The following ALOX5 variants were observed in gnomAD, a reference collection of about 807,000 sequenced individuals.
ALOX5 encodes the protein polyunsaturated fatty acid 5-lipoxygenase.
A neutral mutation model predicts 87.9 loss-of-function variants in ALOX5; 64 were observed. The ratio of observed to expected loss-of-function variants is 0.73; its 90% CI spans 0.60 to 0.90. ALOX5 has a LOEUF of 0.90. Among genes scored for constraint, ALOX5 ranks in the 40% least tolerant of loss-of-function variants. The pLI is 0.00. For synonymous variants in ALOX5, 388 were observed against 355.1 expected (o/e 1.09, Z -1.04); for missense variants, 822 against 907.5 (o/e 0.91, Z 1.21).
At chr10:45,383,092 G>C (rs763739042) in intron 2 of ALOX5, among the ~76,000 whole-genome samples, 19 of 152,238 alleles carry the variant, frequency 1.2e-4, no homozygotes, top group Non-Finnish European at 1.9e-4. Context: ...GTAGGGCTCA[G>C]GCAAGCTCAG....
chr10:45,395,956 C>A lies in ALOX5; in HGVS notation c.431+20C>A. ...ATATCGGTGAGTTATGACATCAGAT[C>A]GAGTGGCCACGGGGCCATGGTTTCT... On this transcript the variant is annotated intron_variant, in intron 3 of 13. Transcript: ENST00000374391. 6.2e-7 allele frequency: 1 copy of A among 1,609,506 alleles called. No individual in the cohort carries two copies. Among genetic ancestry groups the A allele is most frequent in the Non-Finnish European group, 8.5e-7 (1 of 1,175,720 alleles).
In ALOX5 at chr10:45,440,365, G is replaced by A. The variant is rs1435752295; in HGVS notation, c.982-65G>A. 7.8e-6 allele frequency: 12 copies of A among 1,536,982 alleles called. No homozygotes were observed. In the Admixed American group the frequency reaches 2.1e-4, roughly 27 times the overall value. ...CTTCTGGAACTTCCCAAGAGGCGAAGTTCTCCAACAACTATACTCTGAAGT... is the reference window on the plus strand; with the variant it reads ...CTTCTGGAACTTCCCAAGAGGCGAAATTCTCCAACAACTATACTCTGAAGT... On this transcript the variant is annotated intron_variant, in intron 7 of 13. Transcript: ENST00000374391.
chr10:45,381,287 C>G (rs551477143), intron 1 of ALOX5, among the ~76,000 whole-genome samples: 10 of 152,274 alleles, frequency 6.6e-5, no homozygotes, highest in Admixed American at 2.6e-4. Flanking sequence ...TCACTGTTCT[C>G]TGGGCATCAC....
intron 2 of ALOX5, among the ~76,000 whole-genome samples, chr10:45,393,579 A>G (rs912627513): frequency 1.9e-4 from 29 of 152,372 alleles, no homozygotes; most frequent in African/African-American, 7.0e-4. Flanking sequence ...CTCCTATTCA[A>G]CATAGTGTTG....
intron 1 of ALOX5, among the ~76,000 whole-genome samples, chr10:45,375,093 A>C (rs980219761): frequency 6.6e-6 from 1 of 152,216 alleles, no homozygotes; most frequent in Non-Finnish European, 1.5e-5. Flanking sequence ...GCACCTGGGC[A>C]GCTTACATTC....
At chr10:45,420,688 C>T (rs747799208) in intron 4 of ALOX5, among the ~76,000 whole-genome samples, 1 of 152,262 alleles carries the variant, frequency 6.6e-6, no homozygotes, top group Non-Finnish European at 1.5e-5. Flanking sequence ...CACGCAGTTC[C>T]TCCTAGCCAC....
At position 45,420,837 on chromosome 10, in the gene ALOX5, G is replaced by A. The variant is rs11819084; in HGVS notation, c.555-3204G>A. ...GACAGAGGTTAGGTGAACCTCAATG[G>A]CCTCATTAAAGCAAATTGAGAAAGA... On this transcript the variant is annotated intron_variant, in intron 4 of 13. Transcript: ENST00000374391. 9.0e-3 allele frequency among the ~76,000 whole-genome samples: 1,372 copies of A among 152,356 alleles called. 22 individuals carry two copies. The highest frequency in any genetic ancestry group is 0.031 in the African/African-American group (1,303 of 41,586).
chr10:45,436,603 G>T lies in ALOX5; in HGVS notation c.982-3827G>T, dbSNP rs1231638762. The stretch of plus-strand genomic sequence containing the variant: ...TCTGGGTTCTCTGTTCTGTTCCATT[G>T]ATCTCTGTGCCTATTTTTGTACCAG... On this transcript the variant is annotated intron_variant, in intron 7 of 13. Transcript: ENST00000374391. Among the ~76,000 whole-genome samples, 3 of 152,118 alleles carry T rather than the reference G, an allele frequency of 2.0e-5. No individual in the cohort carries two copies. The East Asian group carries it at 5.8e-4, about 29-fold the overall frequency.
At chr10:45,412,168 T>G (rs1211962779) in intron 3 of ALOX5, 23 bp from the exon 4 acceptor site, 2 of 1,613,842 alleles carry the variant, frequency 1.2e-6, no homozygotes, top group African/African-American at 1.3e-5. Context: ...TTAACTCAAT[T>G]TCTTCTCCTT....
chr10:45,423,984 C>A (rs1415508094), intron 4 of ALOX5, 57 bp from the exon 5 acceptor site: 5 of 1,378,008 alleles, frequency 3.6e-6, no homozygotes, highest in Non-Finnish European at 5.2e-6. Context: ...TGTGAAGGGG[C>A]TCTGCAGAGG....
At chr10:45,374,575 GC>G in intron 1 of ALOX5, 146 bp downstream of exon 1, 1 of 776,392 alleles carries the variant, frequency 1.3e-6, no homozygotes, top group Non-Finnish European at 1.8e-6. Context: ...GTCAGGGAGG[GC>G]AGAACTGCGG....
intron 13 of ALOX5, 106 bp downstream of exon 13, chr10:45,444,392 G>A: frequency 1.4e-6 from 2 of 1,396,634 alleles, no homozygotes; most frequent in Non-Finnish European, 1.9e-6. Context: ...TGGAGCAAAG[G>A]AATCCTGACT....
intron 2 of ALOX5, among the ~76,000 whole-genome samples, chr10:45,391,007 CTCT>C (rs2132700732): frequency 3.9e-5 from 1 of 25,788 alleles, no homozygotes; most frequent in African/African-American, 1.7e-4. Flanking sequence ...CCTCTCCCCT[CTCT>C]CCTCTCCCAT....
At chr10:45,374,829 G>T (rs1378695875) in intron 1 of ALOX5, among the ~76,000 whole-genome samples, 1 of 152,194 alleles carries the variant, frequency 6.6e-6, no homozygotes, top group South Asian at 2.1e-4. Flanking sequence ...GGCTCCTTCT[G>T]CAGGTCGCAC....
chr10:45,416,298 G>C (rs944834693), intron 4 of ALOX5, among the ~76,000 whole-genome samples: 1 of 152,122 alleles, frequency 6.6e-6, no homozygotes, highest in African/African-American at 2.4e-5. Context: ...GGCAAAACCA[G>C]GATTTGAATC....
rs148310335 is a variant in ALOX5 at position 45,445,023 on chromosome 10, G to A, written c.1846-485G>A. On this transcript the variant is annotated intron_variant, in intron 13 of 13. Transcript: ENST00000374391. The stretch of plus-strand genomic sequence containing the variant: ...TTAAAATGATATCTAGCTCTGCCCC[G>A]CAGACATCTGTGTGAGAATGCAAAT... Among the ~76,000 whole-genome samples, 81 of 152,322 alleles carry A rather than the reference G, an allele frequency of 5.3e-4. 1 individual carries two copies. In the South Asian group the frequency reaches 0.011, roughly 21 times the overall value.
chr10:45,403,824 T>A (rs548112469), intron 3 of ALOX5, among the ~76,000 whole-genome samples: 1 of 152,310 alleles, frequency 6.6e-6, no homozygotes, highest in South Asian at 2.1e-4. Context: ...CACGTTGTGC[T>A]TGAGCTCTGC....
chr10:45,384,162 G>A (rs1250945767), intron 2 of ALOX5, among the ~76,000 whole-genome samples: 6 of 152,298 alleles, frequency 3.9e-5, no homozygotes, highest in African/African-American at 1.4e-4. Flanking sequence ...AAGTATCCTG[G>A]AGACAGCACC....
intron 4 of ALOX5, among the ~76,000 whole-genome samples, chr10:45,412,641 G>A (rs1841108430): frequency 6.6e-6 from 1 of 152,176 alleles, no homozygotes; most frequent in African/African-American, 2.4e-5. Flanking sequence ...AAGGCTTTGT[G>A]TCCAGGCTGT....
Sources: allele counts gnomAD v4.1 joint callset (sites outside exome capture counted in the v4.1 genomes callset), GRCh38; gene constraint gnomAD v4.1.1; transcripts MANE v1.5; gene names NCBI Gene and HGNC (gene_info 2026-07-23, HGNC 2026-07-21).